Variants in RAD51B observed in about 807,000 individuals in gnomAD.
RAD51B encodes the protein DNA repair protein RAD51 homolog 2.
RAD51B carries 38 observed loss-of-function variants against 42.2 expected under a neutral mutation model. That is an observed-to-expected ratio of 0.90 (90% CI 0.70 to 1.18). The LOEUF is 1.18. Among genes scored for constraint, RAD51B ranks in the 50% most tolerant of loss-of-function variants. The pLI is 0.00. For missense variants in RAD51B, 373 were observed against 400.7 expected, an observed-to-expected ratio of 0.93 and a Z score of 0.59; for synonymous variants, 154 against 145.2, an observed-to-expected ratio of 1.06 and a Z score of -0.43.
At chr14:67,887,244 TTTG>T (rs768145967) in intron 7 of RAD51B, 40 bp downstream of exon 7, 1 of 1,487,040 alleles carries the variant, frequency 6.7e-7, no homozygotes, top group East Asian at 2.3e-5. Flanking sequence ...TTTCCTTTCT[TTTG>T]TTTCTTTTAT....
chr14:68,614,581 C>G (rs1487329338), downstream of RAD51B, among the ~76,000 whole-genome samples: 2 of 152,156 alleles, frequency 1.3e-5, no homozygotes, highest in African/African-American at 4.8e-5. Context: ...TTTGCTTATT[C>G]TGGACATTTC....
At chr14:68,237,099 G>A (rs2080274679) in intron 7 of RAD51B, among the ~76,000 whole-genome samples, 1 of 152,084 alleles carries the variant, frequency 6.6e-6, no homozygotes, top group Admixed American at 6.5e-5. Context: ...CTCTGTCCTG[G>A]GAAATTTCTT....
chr14:68,612,177 G>A (rs559580310), downstream of RAD51B, among the ~76,000 whole-genome samples: 7 of 152,334 alleles, frequency 4.6e-5, no homozygotes, highest in African/African-American at 1.7e-4. Context: ...GCTGACCCAG[G>A]AAAAGGCACT....
chr14:68,336,438 A>G (rs1056155226), intron 8 of RAD51B, among the ~76,000 whole-genome samples: 51 of 152,170 alleles, frequency 3.4e-4, no homozygotes, highest in African/African-American at 1.2e-3. Flanking sequence ...ATTCATCCCT[A>G]TTGGTATACA....
intron 10 of RAD51B, among the ~76,000 whole-genome samples, chr14:68,648,674 A>AACACACACACAC (rs35200852): frequency 0.017 from 2,447 of 143,666 alleles, 35 homozygotes; most frequent in South Asian, 0.028. Context: ...AAAGCACACA[A>AACACACACACAC]ACACACACAC....
intron 10 of RAD51B, among the ~76,000 whole-genome samples, chr14:68,469,751 C>T (rs1029905883): frequency 8.5e-5 from 13 of 152,136 alleles, no homozygotes; most frequent in Non-Finnish European, 1.8e-4. Flanking sequence ...TAGCAAATTT[C>T]GTTGAAGATT....
Position 68,604,311 on chromosome 14 carries a change from C to T in RAD51B, c.1037-6695C>T, listed in dbSNP as rs141718154. ...AGTCCCCTTCCTTCTGGAAAGGGTC[C>T]TACACAAATTGCTAGGGTTTCCAGT... On this transcript the variant is annotated intron_variant, in intron 10 of 10. Coordinates refer to the RAD51B transcript ENST00000487861. Among the ~76,000 whole-genome samples the T allele has an allele frequency of 5.0e-3, 760 of 152,266 alleles. 8 individuals are homozygous for T. The highest frequency in any genetic ancestry group is 0.017 in the African/African-American group (709 of 41,554).
chr14:68,042,814 A>T (rs1182164803), intron 7 of RAD51B, among the ~76,000 whole-genome samples: 1 of 152,252 alleles, frequency 6.6e-6, no homozygotes, highest in Non-Finnish European at 1.5e-5. Flanking sequence ...AAGCAGGCTT[A>T]AAAAATTTTA....
intron 8 of RAD51B, among the ~76,000 whole-genome samples, chr14:68,371,449 C>T (rs376156964): frequency 5.9e-5 from 9 of 151,722 alleles, no homozygotes; most frequent in South Asian, 2.1e-4. Context: ...ACGCGGGAGG[C>T]GGAGGTTGCA....
At chr14:68,396,025 G>T (rs1045788068) in intron 8 of RAD51B, among the ~76,000 whole-genome samples, 1 of 152,144 alleles carries the variant, frequency 6.6e-6, no homozygotes, top group Non-Finnish European at 1.5e-5. Context: ...GCAGACATGG[G>T]AAATATCTAA....
chr14:68,411,352 T>C, intron 8 of RAD51B, 72 bp from the exon 9 acceptor site: 1 of 1,263,388 alleles, frequency 7.9e-7, no homozygotes, highest in South Asian at 1.2e-5. Flanking sequence ...CAATGAGTAA[T>C]GTCTGGACTT....
chr14:68,160,637 T>C (rs1363043684), intron 7 of RAD51B, among the ~76,000 whole-genome samples: 1 of 152,262 alleles, frequency 6.6e-6, no homozygotes, highest in East Asian at 1.9e-4. Flanking sequence ...TATTATATCT[T>C]GACTACTGAG....
chr14:68,668,659 T>C (rs544983057), intron 11 of RAD51B, among the ~76,000 whole-genome samples: 5 of 152,316 alleles, frequency 3.3e-5, no homozygotes, highest in African/African-American at 1.2e-4. Flanking sequence ...AGGTAGAGCA[T>C]AAAGGAATTA....
intron 7 of RAD51B, among the ~76,000 whole-genome samples, chr14:68,050,179 C>T (rs181532712): frequency 9.9e-5 from 15 of 152,206 alleles, no homozygotes; most frequent in South Asian, 2.1e-4. Context: ...TTTTCCCCAA[C>T]GAGATTATAG....
intron 9 of RAD51B, among the ~76,000 whole-genome samples, chr14:68,411,730 A>C (rs796473390): frequency 6.6e-6 from 1 of 152,238 alleles, no homozygotes; most frequent in Non-Finnish European, 1.5e-5. Flanking sequence ...AGGAAAAAAC[A>C]TAAGAATTGA....
chr14:68,470,170 G>T (rs115987996), intron 10 of RAD51B, among the ~76,000 whole-genome samples: 2 of 152,162 alleles, frequency 1.3e-5, no homozygotes, highest in African/African-American at 4.8e-5. Flanking sequence ...TCAGGAAAAT[G>T]TCTTATAATT....
At chr14:68,087,128 G>A (rs4902547) in intron 7 of RAD51B, among the ~76,000 whole-genome samples, 34,899 of 147,346 alleles carry the variant, frequency 0.24, 4,859 homozygotes, top group African/African-American at 0.39. Context: ...AGAGTGAAAC[G>A]CCATCTCAAA....
At chr14:67,914,086 G>C (rs1049394295) in intron 7 of RAD51B, among the ~76,000 whole-genome samples, 1 of 151,792 alleles carries the variant, frequency 6.6e-6, no homozygotes, top group Non-Finnish European at 1.5e-5. Context: ...ATTTTCAAGC[G>C]ATTCTCTTGC....
intron 9 of RAD51B, chr14:68,422,198 G>T: frequency 9.3e-7 from 1 of 1,070,050 alleles, no homozygotes. Flanking sequence ...GTTGACCATG[G>T]CTAATAGTAC....
Sources: gnomAD v4.1 joint callset for allele counts (sites outside exome capture counted in the v4.1 genomes callset) on GRCh38, gnomAD v4.1.1 for gene constraint, MANE v1.5 for transcripts, NCBI Gene and HGNC (gene_info 2026-07-23, HGNC 2026-07-21) for gene names.